Variants in TIPIN observed in about 807,000 individuals in gnomAD.
The protein encoded by TIPIN is TIMELESS interacting protein, also known as TIMELESS-interacting protein.
In TIPIN, 29 loss-of-function variants were observed where a neutral mutation model predicts 35.6. That is an observed-to-expected ratio of 0.82 (90% CI 0.61 to 1.11). TIPIN has a LOEUF of 1.11. Ranked by LOEUF, TIPIN falls within the 50% of genes most tolerant of loss-of-function variation. The probability of loss-of-function intolerance (pLI) is 0.00; values close to 1 mark genes in which losing one functional copy is unlikely to be tolerated. For synonymous variants in TIPIN, 102 were observed against 121.5 expected (o/e 0.84, Z 1.06); for missense variants, 296 against 345.4 (o/e 0.86, Z 1.13).
At chr15:66,342,749 T>C (rs376158183) in intron 6 of TIPIN, among the ~76,000 whole-genome samples, 1 of 152,242 alleles carries the variant, frequency 6.6e-6, no homozygotes, top group Non-Finnish European at 1.5e-5. Flanking sequence ...TAAAACTTTA[T>C]GGACATATTT....
chr15:66,349,251 C>G (rs756657958), intron 5 of TIPIN, 64 bp downstream of exon 5: 15 of 1,601,128 alleles, frequency 9.4e-6, no homozygotes, highest in Non-Finnish European at 1.3e-5. Context: ...AGCAATTTAG[C>G]CTCAACTAAA....
At chr15:66,381,711 G>T (rs1378066750) in intron 1 of TIPIN, among the ~76,000 whole-genome samples, 2 of 152,084 alleles carry the variant, frequency 1.3e-5, no homozygotes, top group African/African-American at 2.4e-5. Context: ...TAGAATTACT[G>T]AATCAAAGTG....
At chr15:66,376,772 C>T (rs2140496766) in intron 1 of TIPIN, among the ~76,000 whole-genome samples, 1 of 151,566 alleles carries the variant, frequency 6.6e-6, no homozygotes, top group Non-Finnish European at 1.5e-5. Flanking sequence ...AATGCTGGGT[C>T]AGTATTGGGA....
intron 7 of TIPIN, among the ~76,000 whole-genome samples, chr15:66,339,542 T>C (rs145853490): frequency 1.9e-4 from 29 of 152,142 alleles, no homozygotes; most frequent in African/African-American, 6.3e-4. Flanking sequence ...AATTTGGTTA[T>C]ATAGTTTCCA....
chr15:66,354,408 A>G (rs1228578297), intron 1 of TIPIN, among the ~76,000 whole-genome samples: 2 of 152,176 alleles, frequency 1.3e-5, no homozygotes, highest in Non-Finnish European at 2.9e-5. Flanking sequence ...TATTTCCTAA[A>G]TATCCCTTGA....
intron 4 of TIPIN, among the ~76,000 whole-genome samples, chr15:66,349,746 G>A (rs988016019): frequency 4.6e-5 from 7 of 151,942 alleles, no homozygotes; most frequent in African/African-American, 1.5e-4. Context: ...CAGGCATGGT[G>A]GTGTACACCT....
At chr15:66,358,272 A>G (rs896142794), upstream of TIPIN, among the ~76,000 whole-genome samples, 2 of 152,328 alleles carry the variant, frequency 1.3e-5, no homozygotes, top group East Asian at 1.9e-4. Flanking sequence ...GAACTTAACT[A>G]TAATTTTTTT....
intron 1 of TIPIN, among the ~76,000 whole-genome samples, chr15:66,353,532 C>G (rs2093183074): frequency 6.6e-6 from 1 of 150,590 alleles, no homozygotes; most frequent in African/African-American, 2.4e-5. Flanking sequence ...AGGAGAATGG[C>G]GTGAATCCAG....
At position 66,354,570 on chromosome 15, in the gene TIPIN, G is replaced by A. The variant is rs1390687037; in HGVS notation, c.-8-1615C>T. On this transcript the variant is annotated intron_variant, in intron 1 of 7. Transcript: ENST00000261881. ...AAGCTGATCACCTCACTTGGATTAA[G>A]TATTTCAATGGTTTCTGATTGCTCT... is the stretch of plus-strand genomic sequence containing the variant. Among the ~76,000 whole-genome samples, 3 of 152,258 alleles carry A rather than the reference G, an allele frequency of 2.0e-5. No homozygotes were observed. In the East Asian group the frequency reaches 5.8e-4, roughly 29 times the overall value.
At chr15:66,379,998 CTTTCT>C (rs1263504937) in intron 1 of TIPIN, 107 of 313,808 alleles carry the variant, frequency 3.4e-4, no homozygotes, top group Non-Finnish European at 4.3e-4. Flanking sequence ...TTCTTTCTTT[CTTTCT>C]TTTTTTTTTT....
chr15:66,379,750 G>A, intron 1 of TIPIN: 1 of 1,607,012 alleles, frequency 6.2e-7, no homozygotes, highest in Non-Finnish European at 8.5e-7. Context: ...TTGTCAACCA[G>A]AGCCTCTTTT....
Position 66,381,936 on chromosome 15 carries a change from G to A in TIPIN, c.-9+4671C>T, listed in dbSNP as rs112177698. Among the ~76,000 whole-genome samples the A allele has an allele frequency of 7.2e-4, 109 of 152,216 alleles. 2 individuals carry two copies. Among genetic ancestry groups the A allele is most frequent in the Middle Eastern group, 3.4e-3 (1 of 294 alleles). On this transcript the variant is annotated intron_variant, in intron 1 of 7. Coordinates refer to the TIPIN transcript ENST00000562124. ...AAAAATTAGCTGAGCATGGTGGCGGGTGCCTGTAATCCCAGCTACTTGGGA... is the reference window on the plus strand; with the variant it reads ...AAAAATTAGCTGAGCATGGTGGCGGATGCCTGTAATCCCAGCTACTTGGGA...
intron 1 of TIPIN, among the ~76,000 whole-genome samples, chr15:66,363,459 T>A (rs1224595430): frequency 6.6e-6 from 1 of 151,128 alleles, no homozygotes; most frequent in Non-Finnish European, 1.5e-5. Context: ...CTGGCTAACA[T>A]GGTGAAACCC....
intron 6 of TIPIN, among the ~76,000 whole-genome samples, chr15:66,342,928 CTA>C (rs1355546547): frequency 5.9e-5 from 9 of 152,096 alleles, no homozygotes; most frequent in Non-Finnish European, 1.0e-4. Context: ...TTAAGAAAAA[CTA>C]TGTTTTACTA....
chr15:66,373,903 A>G (rs995426150), intron 1 of TIPIN, among the ~76,000 whole-genome samples: 8 of 151,864 alleles, frequency 5.3e-5, no homozygotes, highest in African/African-American at 1.9e-4. Flanking sequence ...GGGTCGCCCT[A>G]TGTTGTCCAG....
intron 3 of TIPIN, 124 bp downstream of exon 3, chr15:66,352,004 TA>T (rs963949806): frequency 2.1e-4 from 160 of 753,876 alleles, no homozygotes; most frequent in South Asian, 3.7e-4. Flanking sequence ...TCTGCTGAAC[TA>T]AAAAAAAGTT....
At chr15:66,354,315 G>T (rs142893658) in intron 1 of TIPIN, among the ~76,000 whole-genome samples, 1 of 152,262 alleles carries the variant, frequency 6.6e-6, no homozygotes, top group East Asian at 1.9e-4. Flanking sequence ...CTCATTAAAT[G>T]ACATCTATCC....
rs542992970 is a variant in TIPIN, at chr15:66,374,484, A to C, written c.-9+12123T>G. 9.3e-4 allele frequency among the ~76,000 whole-genome samples: 142 copies of C among 152,188 alleles called. 1 individual carries two copies. Among genetic ancestry groups the C allele is most frequent in the Middle Eastern group, 3.4e-3 (1 of 294 alleles). Reference sequence around the variant, plus strand: ...GGAGGCAGTGGCTTGATCTTCGCTCACTGCAACCTCTGCTTCCCAGGTTCA... The same window carrying C: ...GGAGGCAGTGGCTTGATCTTCGCTCCCTGCAACCTCTGCTTCCCAGGTTCA... On this transcript the variant is annotated intron_variant, in intron 1 of 7. Coordinates refer to the TIPIN transcript ENST00000562124.
chr15:66,337,446 C>T (rs1158489689), intron 7 of TIPIN, among the ~76,000 whole-genome samples: 2 of 149,912 alleles, frequency 1.3e-5, no homozygotes, highest in Non-Finnish European at 3.0e-5. Flanking sequence ...CTCAGCCTCC[C>T]GAGTAGCTGG....
Sources: gnomAD v4.1 joint callset for allele counts (sites outside exome capture counted in the v4.1 genomes callset) on GRCh38, gnomAD v4.1.1 for gene constraint, MANE v1.5 for transcripts, NCBI Gene and HGNC (gene_info 2026-07-23, HGNC 2026-07-21) for gene names.